OSBPL5: variants seen among roughly 807,000 people sequenced by gnomAD.
OSBPL5 encodes the protein oxysterol binding protein like 5.
Under a neutral mutation model 111.2 loss-of-function variants are expected in OSBPL5, and 71 were observed. That is an observed-to-expected ratio of 0.64 (90% CI 0.53 to 0.78). The LOEUF (loss-of-function observed/expected upper bound fraction) is 0.78, where lower values mean the gene tolerates loss of function less well. OSBPL5 is among the 30% of genes least tolerant of loss of function. The pLI is 0.00. For synonymous variants in OSBPL5, 549 were observed against 513.9 expected (o/e 1.07, Z -0.93); for missense variants, 1,210 against 1,189.3 (o/e 1.02, Z -0.26).
At chr11:3,164,015 TGGGGTTGGGGAGCAG>T (rs1179741861) in intron 1 of OSBPL5, 1 of 152,230 alleles carries the variant, frequency 6.6e-6, no homozygotes, top group African/African-American at 2.4e-5. Flanking sequence ...GCCTTACTCC[TGGGGTTGGGGAGCAG>T]AGTTTCTGTT....
In OSBPL5 at chr11:3,087,628, C is replaced by G. The variant is rs1168613495; in HGVS notation, c.*577G>C. The G allele has an allele frequency of 6.5e-6, 1 of 153,066 alleles. No individual in the cohort carries two copies. The highest frequency in any genetic ancestry group is 1.5e-5 in the Non-Finnish European group (1 of 68,744). The allele number at this position is 153,066 out of a possible 1,614,324, so 9.5% of individuals were successfully genotyped here. A position where few individuals can be genotyped will look rare whatever the true frequency, so the allele number is the denominator to read the frequency against. On this transcript the variant is annotated 3_prime_UTR_variant, in exon 22 of 22. Transcript: ENST00000263650. The stretch of plus-strand genomic sequence containing the variant: ...CCAGGACCTGCCTCTGTGGGGCTCC[C>G]ATCCAAACAGCACAGCGTGGAATAA...
rs747230033 is a variant in OSBPL5 at position 3,104,280 on chromosome 11, C to A, written c.1157G>T (p.Arg386Leu). ...CAGTACGAACGTGGGTAGCACCACG[C>A]GGGACAGGTCCATGCCTGGCCGTAG... ...KQLRPGMDLS[R>L]VVLPTFVLEP... The change falls in exon 10 of 22, where the codon CGC (arginine) becomes CTC (leucine). Residue 386 changes from arginine to leucine, a missense_variant. Transcript: ENST00000263650. The surrounding 1 kb of genome is among the most constrained non-coding windows in gnomAD (Gnocchi z 5.0). 1.2e-6 allele frequency: 2 copies of A among 1,613,820 alleles called. No individual in the cohort carries two copies. Among genetic ancestry groups the A allele is most frequent in the Non-Finnish European group, 1.7e-6 (2 of 1,179,976 alleles).
At chr11:3,098,715 G>C (rs1462080641) in intron 14 of OSBPL5, among the ~76,000 whole-genome samples, 1 of 151,868 alleles carries the variant, frequency 6.6e-6, no homozygotes, top group African/African-American at 2.4e-5. Flanking sequence ...ATGTTCGTCA[G>C]GCTGGTCTTA....
chr11:3,100,003 A>G (rs1376388262), intron 14 of OSBPL5, among the ~76,000 whole-genome samples, 155 bp downstream of exon 14: 11 of 138,016 alleles, frequency 8.0e-5, no homozygotes, highest in Non-Finnish European at 1.4e-4. Context: ...GGGCAACAAG[A>G]GCGAAACTCC....
intron 1 of OSBPL5, among the ~76,000 whole-genome samples, chr11:3,136,043 G>T (rs1300300580): frequency 6.6e-6 from 1 of 152,232 alleles, no homozygotes; most frequent in East Asian, 1.9e-4. Flanking sequence ...TGTGGTGCCA[G>T]CCCAGAGCAG....
rs567553184 is a variant in OSBPL5, at chr11:3,113,905, T to C, written c.691+5642A>G. Among the ~76,000 whole-genome samples, 2 of 152,312 alleles carry C rather than the reference T, an allele frequency of 1.3e-5. No individual in the cohort carries two copies. Among genetic ancestry groups the C allele is most frequent in the South Asian group, 4.1e-4 (2 of 4,832 alleles). On this transcript the variant is annotated intron_variant, in intron 7 of 21. Coordinates refer to ENST00000263650, the MANE Select transcript of OSBPL5 (RefSeq NM_020896.4). This position sits in a 1 kb window ranked among gnomAD's most constrained non-coding sequence, Gnocchi z 4.8. ...TAGAAACAAGATGGAGTCAGTTAGG[T>C]CAAATCTCTTTCACTGTCTCAGTTA... is the stretch of plus-strand genomic sequence containing the variant.
chr11:3,103,756 G>GCCCCCTTCCAGC lies in OSBPL5; in HGVS notation c.1244+436_1245-436insGCTGGAAGGGGG, dbSNP rs570227138. 5.3e-5 allele frequency among the ~76,000 whole-genome samples: 3 copies of GCCCCCTTCCAGC among 56,856 alleles called. 1 individual carries two copies. The South Asian group carries it at 2.5e-3, about 47-fold the overall frequency. The allele number at this position is 56,856 out of a possible 152,430, so 37.3% of individuals were successfully genotyped here. On this transcript the variant is annotated intron_variant, in intron 10 of 21. Transcript: ENST00000263650. ...TTCCTGCCTCTGCAACCCTCTTCCA[G>GCCCCCTTCCAGC]CTCTGCAGCCCCCTTCCAGCCTCTG...
At chr11:3,122,533 G>A in intron 3 of OSBPL5, 105 bp from the exon 4 acceptor site, 1 of 1,021,440 alleles carries the variant, frequency 9.8e-7, no homozygotes. Flanking sequence ...AGTCAGAGAA[G>A]GGCGCTCCAC....
At position 3,105,838 on chromosome 11, in the gene OSBPL5, C is replaced by T. The variant is rs1478621054; in HGVS notation, c.1059+1425G>A. ...GCCCGCTCTGCCTGGCTCACAGCAG[C>T]GTCGCTCATCACCATCTGGCTGAGA... On this transcript the variant is annotated intron_variant, in intron 9 of 21. Transcript: ENST00000263650. The surrounding 1 kb of genome is among the most constrained non-coding windows in gnomAD (Gnocchi z 5.2). 1.3e-5 allele frequency among the ~76,000 whole-genome samples: 2 copies of T among 150,668 alleles called. No homozygotes were observed. The highest frequency in any genetic ancestry group is 3.0e-5 in the Non-Finnish European group (2 of 67,586).
intron 3 of OSBPL5, among the ~76,000 whole-genome samples, chr11:3,124,133 A>G (rs1858517751): frequency 6.6e-6 from 1 of 152,146 alleles, no homozygotes; most frequent in Non-Finnish European, 1.5e-5. Context: ...TATTCTCAGC[A>G]TTGTACAGAG....
At position 3,093,783 on chromosome 11, in the gene OSBPL5, G is replaced by A. The variant is rs755371968; in HGVS notation, c.1772C>T (p.Ser591Leu). The A allele has an allele frequency of 6.7e-5, 108 of 1,612,968 alleles. No homozygotes were observed. Among genetic ancestry groups the A allele is most frequent in the Admixed American group, 3.3e-5 (2 of 59,998 alleles). Reference protein sequence around the residue: ...SINQISGKITSGEEVLASLSG... With the variant: ...SINQISGKITLGEEVLASLSG... ...GAGGCTCGCCAGGACTTCCTCTCCC[G>A]ACGTGATCTTTCCCGAGATCTGGTT... Residue 591 changes from serine to leucine, a missense_variant, in exon 16 of 22, where the codon TCG becomes TTG. Transcript: ENST00000263650.
rs1858797557 is a variant in OSBPL5, at chr11:3,130,761, T to C, written c.-21-1592A>G. Among the ~76,000 whole-genome samples the C allele has an allele frequency of 6.6e-6, 1 of 152,200 alleles. No homozygotes were observed. The highest frequency in any genetic ancestry group is 6.5e-5 in the Admixed American group (1 of 15,286). On this transcript the variant is annotated intron_variant, in intron 1 of 21. Transcript: ENST00000263650. The surrounding 1 kb of genome is among the most constrained non-coding windows in gnomAD (Gnocchi z 4.5). ...AGCCGCTGAGTGTCTGCCCACTCAG[T>C]GTCTCAGCTTGGCTCAGCCAACCTG...
At chr11:3,149,406 G>C (rs370792056) in intron 1 of OSBPL5, among the ~76,000 whole-genome samples, 34 of 152,372 alleles carry the variant, frequency 2.2e-4, no homozygotes, top group African/African-American at 8.2e-4. Flanking sequence ...CCTCTGGTGA[G>C]GGAGGCAGTG....
chr11:3,131,268 A>G (rs77170463), intron 1 of OSBPL5, among the ~76,000 whole-genome samples: 3,555 of 151,938 alleles, frequency 0.023, 48 homozygotes, highest in Middle Eastern at 0.044. Flanking sequence ...ACTCATCTAT[A>G]CACCAGTCTC....
At position 3,126,026 on chromosome 11, in the gene OSBPL5, C is replaced by A. The variant is rs138725995; in HGVS notation, c.219+447G>T. ...AAACAACAAATCAGAAAATAGCAAG[C>A]GTTGGTGAGGATGTGAGGAACTGGA... On this transcript the variant is annotated intron_variant, in intron 3 of 21. Transcript: ENST00000263650. This position sits in a 1 kb window ranked among gnomAD's most constrained non-coding sequence, Gnocchi z 6.5. Among the ~76,000 whole-genome samples the A allele has an allele frequency of 3.9e-5, 6 of 152,154 alleles. No homozygotes were observed. The highest frequency in any genetic ancestry group is 1.2e-4 in the African/African-American group (5 of 41,500).
chr11:3,091,150 G>C (rs1364068726), intron 19 of OSBPL5, among the ~76,000 whole-genome samples: 4 of 152,256 alleles, frequency 2.6e-5, no homozygotes, highest in African/African-American at 4.8e-5. Context: ...GCATCTCCAG[G>C]GGGGAACCCC....
Position 3,121,246 on chromosome 11 carries a change from C to T in OSBPL5, c.403-622G>A, listed in dbSNP as rs1858406239. On this transcript the variant is annotated intron_variant, in intron 5 of 21. Transcript: ENST00000263650. This position sits in a 1 kb window ranked among gnomAD's most constrained non-coding sequence, Gnocchi z 4.3. ...CTAATTTCTGTATTTTTAGTAGAGA[C>T]GGGGTTTTGCCATTTTGGACAGGCT... Among the ~76,000 whole-genome samples, 1 of 151,858 alleles carries T rather than the reference C, an allele frequency of 6.6e-6. No individual in the cohort carries two copies. The highest frequency in any genetic ancestry group is 1.5e-5 in the Non-Finnish European group (1 of 67,966).
rs574797518 is a variant in OSBPL5, at chr11:3,114,147, AAAGAAAGCATGTCCTTTTG to A, written c.691+5381_691+5399del. 4.4e-3 allele frequency among the ~76,000 whole-genome samples: 670 copies of A among 152,312 alleles called. 3 individuals are homozygous for A. The highest frequency in any genetic ancestry group is 7.0e-3 in the Non-Finnish European group (478 of 68,026). ...TATTTGTAGGAAAATATGCTTTCTA[AAAGAAAGCATGTCCTTTTG>A]AAAAAGGTGAACAATTTTTGCCTAA... On this transcript the variant is annotated intron_variant, in intron 7 of 21. Coordinates refer to ENST00000263650, the MANE Select transcript of OSBPL5 (RefSeq NM_020896.4).
In OSBPL5 at chr11:3,130,321, C is replaced by T. The variant is rs1858781433; in HGVS notation, c.-21-1152G>A. On this transcript the variant is annotated intron_variant, in intron 1 of 21. Coordinates refer to ENST00000263650, the MANE Select transcript of OSBPL5 (RefSeq NM_020896.4). The surrounding 1 kb of genome is among the most constrained non-coding windows in gnomAD (Gnocchi z 4.5). ...CTCCTTTCCCAATTTTCTGGGGCTGCTTCCTGCTGCCTCAGGGCAGGCCAG... is the reference window on the plus strand; with the variant it reads ...CTCCTTTCCCAATTTTCTGGGGCTGTTTCCTGCTGCCTCAGGGCAGGCCAG... Among the ~76,000 whole-genome samples, 2 of 152,256 alleles carry T rather than the reference C, an allele frequency of 1.3e-5. No homozygotes were observed. Among genetic ancestry groups the T allele is most frequent in the South Asian group, 4.1e-4 (2 of 4,834 alleles).
Sources: gnomAD v4.1 joint callset for allele counts (sites outside exome capture counted in the v4.1 genomes callset) on GRCh38, gnomAD v4.1.1 for gene constraint, Gnocchi (gnomAD v3.1) non-coding constraint, MANE v1.5 for transcripts, NCBI Gene and HGNC (gene_info 2026-07-23, HGNC 2026-07-21) for gene names.